GDF3: variants seen among roughly 807,000 people sequenced by gnomAD.
GDF3 encodes growth/differentiation factor 3.
Under a neutral mutation model 10.2 loss-of-function variants are expected in GDF3, and 10 were observed. The observed-to-expected ratio is 0.98, with a 90% confidence interval of 0.60 to 1.66. GDF3 has a LOEUF of 1.66. Among genes scored for constraint, GDF3 ranks in the 40% most tolerant of loss-of-function variants. The pLI is 0.00. For missense variants in GDF3, 450 were observed against 438.3 expected, an observed-to-expected ratio of 1.03 and a Z score of -0.24; for synonymous variants, 166 against 178.5, an observed-to-expected ratio of 0.93 and a Z score of 0.56.
chr12:7,689,801 G>C lies in GDF3; in HGVS notation c.*77C>G, dbSNP rs1019803817. 2.1e-6 allele frequency: 2 copies of C among 960,624 alleles called. No individual in the cohort carries two copies. Among genetic ancestry groups the C allele is most frequent in the Non-Finnish European group, 3.4e-6 (2 of 591,730 alleles). 59.5% of individuals were successfully genotyped at this position (960,624 alleles called of 1,614,324 possible). A position where few individuals can be genotyped will look rare whatever the true frequency, so the allele number is the denominator to read the frequency against. ...CAGGTATATTGACATTTCGATCTAA[G>C]TGGTCATAAACCAGATAGGTAGTTT... is the stretch of plus-strand genomic sequence containing the variant. On this transcript the variant is annotated 3_prime_UTR_variant, in exon 2 of 2. Coordinates refer to ENST00000329913, the MANE Select transcript of GDF3 (RefSeq NM_020634.3).
chr12:7,690,163 GA>G lies in GDF3; in HGVS notation c.809del (p.Phe270SerfsTer32). 6.2e-7 allele frequency: 1 copy of G among 1,614,174 alleles called. No homozygotes were observed. The highest frequency in any genetic ancestry group is 8.5e-7 in the Non-Finnish European group (1 of 1,180,038). The part of the protein sequence containing the change: ...CKNLCHRHQL[F>X]INFRDLGWHK... ...GCCAACCCAGGTCCCGGAAGTTAAT[GA>G]ATAGCTGGTGACGGTGGCAGAGGTT... On this transcript the variant is annotated frameshift_variant, in exon 2 of 2. Transcript: ENST00000329913. LOFTEE classifies it low-confidence loss of function (END_TRUNC).
intron 1 of GDF3, 48 bp downstream of exon 1, chr12:7,695,413 C>A: frequency 6.4e-7 from 1 of 1,563,858 alleles, no homozygotes; most frequent in South Asian, 1.1e-5. Context: ...CCTTTCTTCA[C>A]ACCACCCAGT....
At chr12:7,693,612 C>T (rs1864154109) in intron 1 of GDF3, among the ~76,000 whole-genome samples, 1 of 151,556 alleles carries the variant, frequency 6.6e-6, no homozygotes, top group South Asian at 2.1e-4. Flanking sequence ...TCTTAAGCAC[C>T]CCACCACCAC....
At chr12:7,692,890 A>C (rs1864147576) in intron 1 of GDF3, among the ~76,000 whole-genome samples, 1 of 151,672 alleles carries the variant, frequency 6.6e-6, no homozygotes, top group South Asian at 2.1e-4. Context: ...GGATCCTCCC[A>C]CGTCTCAAAG....
chr12:7,692,510 T>A (rs1320044004), intron 1 of GDF3, among the ~76,000 whole-genome samples: 2 of 115,194 alleles, frequency 1.7e-5, no homozygotes, highest in African/African-American at 6.2e-5. Context: ...TTGGCTTTAA[T>A]TTTTTTTTTT....
Position 7,695,481 on chromosome 12 carries a change from A to G in GDF3, c.248T>C (p.Leu83Pro). Residue 83 changes from leucine to proline, a missense_variant, in exon 1 of 2, where the codon CTT (leucine) becomes CCT (proline). Coordinates refer to ENST00000329913, the MANE Select transcript of GDF3 (RefSeq NM_020634.3). ...CTTACCTTGGTCTGGGAGAAAGCGA[A>G]GTACATTCCCGCGGACGCCCAGCTC... Reference protein sequence around the residue: ...VKELGVRGNVLRFLPDQGFFL... With the variant: ...VKELGVRGNVPRFLPDQGFFL... 1.9e-6 allele frequency: 3 copies of G among 1,614,094 alleles called. No homozygotes were observed. Among genetic ancestry groups the G allele is most frequent in the Non-Finnish European group, 2.5e-6 (3 of 1,179,984 alleles).
chr12:7,694,687 T>C (rs1272732101), intron 1 of GDF3, among the ~76,000 whole-genome samples: 1 of 152,012 alleles, frequency 6.6e-6, no homozygotes, highest in African/African-American at 2.4e-5. Context: ...TATTCAAATC[T>C]TCTCTCCAGT....
rs770103702 is a variant in GDF3, at chr12:7,689,853, T to G, written c.*25A>C. On this transcript the variant is annotated 3_prime_UTR_variant, in exon 2 of 2. Coordinates refer to ENST00000329913, the MANE Select transcript of GDF3 (RefSeq NM_020634.3). ...ATTAAAAGATTTACCCTAAGAACAC[T>G]CCTTCTATTCCCATTTCTGACATCC... The G allele has an allele frequency of 1.7e-5, 25 of 1,431,110 alleles. No individual in the cohort carries two copies. The Admixed American group carries it at 4.2e-4, about 24-fold the overall frequency. 88.7% of individuals were successfully genotyped at this position (1,431,110 alleles called of 1,614,324 possible). A position where few individuals can be genotyped will look rare whatever the true frequency, so the allele number is the denominator to read the frequency against.
In GDF3 at chr12:7,690,340, G is replaced by C; in HGVS notation, c.633C>G (p.Asp211Glu). ...CTTCAGGCTGAAAATTCACCCCTGAGTCTCTATCTTCTTTGACCAGTATCT... is the reference window on the plus strand; with the variant it reads ...CTTCAGGCTGAAAATTCACCCCTGACTCTCTATCTTCTTTGACCAGTATCT... ...FLEILVKEDR[D>E]SGVNFQPEDT... The change falls in exon 2 of 2, where the codon GAC (aspartate) becomes GAG (glutamate). Residue 211 changes from aspartate (D) to glutamate (E), a missense_variant. By Grantham distance (45) the Asp-to-Glu change is conservative. Coordinates refer to ENST00000329913, the MANE Select transcript of GDF3 (RefSeq NM_020634.3). 2 of 1,614,026 alleles carry C rather than the reference G, an allele frequency of 1.2e-6. No individual in the cohort carries two copies. The highest frequency in any genetic ancestry group is 1.7e-6 in the Non-Finnish European group (2 of 1,179,926).
At chr12:7,694,987 C>A (rs1864166909) in intron 1 of GDF3, among the ~76,000 whole-genome samples, 1 of 152,006 alleles carries the variant, frequency 6.6e-6, no homozygotes, top group South Asian at 2.1e-4. Flanking sequence ...CCTTTGCCAC[C>A]CAACAAGAGT....
Position 7,695,621 on chromosome 12 carries a change from A to G in GDF3, c.108T>C (p.Asp36=). 3 of 1,614,178 alleles carry G rather than the reference A, an allele frequency of 1.9e-6. No homozygotes were observed. The highest frequency in any genetic ancestry group is 4.5e-5 in the East Asian group (2 of 44,894). Reference sequence around the variant, plus strand: ...GGAACTTCTGGGGTGAAGGCGCCTTATCTAAGCCCAGAAATTGGAGAAAGA... The same window carrying G: ...GGAACTTCTGGGGTGAAGGCGCCTTGTCTAAGCCCAGAAATTGGAGAAAGA... ...EYVFLQFLGL[D]KAPSPQKFQP... Residue 36 remains aspartate, a synonymous_variant, in exon 1 of 2, where the codon GAT becomes GAC. Coordinates refer to ENST00000329913, the MANE Select transcript of GDF3 (RefSeq NM_020634.3).
intron 1 of GDF3, among the ~76,000 whole-genome samples, chr12:7,692,169 C>T (rs1189891563): frequency 2.0e-5 from 3 of 152,002 alleles, no homozygotes; most frequent in East Asian, 1.9e-4. Flanking sequence ...CATGGTGGCT[C>T]ACACCAGTGA....
Position 7,689,907 on chromosome 12 carries a change from T to C in GDF3, c.1066A>G (p.Met356Val), listed in dbSNP as rs1382693842. The C allele has an allele frequency of 5.0e-6, 8 of 1,612,576 alleles. No homozygotes were observed. Among genetic ancestry groups the C allele is most frequent in the Admixed American group, 1.7e-5 (1 of 59,988 alleles). ...CCACACCCACATTCATCGACTACCATGTCTTCATAATGTCGTAGAATGACA... is the reference window on the plus strand; with the variant it reads ...CCACACCCACATTCATCGACTACCACGTCTTCATAATGTCGTAGAATGACA... Reference protein sequence around the residue: ...DNVILRHYEDMVVDECGCG With the variant: ...DNVILRHYEDVVVDECGCG The change falls in exon 2 of 2, where the codon ATG (methionine) becomes GTG (valine). Residue 356 changes from methionine (M) to valine (V), a missense_variant. Transcript: ENST00000329913.
rs201794479 is a variant in GDF3, at chr12:7,695,752, C to T, written c.-24G>A. 8.1e-6 allele frequency: 13 copies of T among 1,613,398 alleles called. No homozygotes were observed. In the Admixed American group the frequency reaches 8.3e-5, roughly 10 times the overall value. On this transcript the variant is annotated 5_prime_UTR_variant, in exon 1 of 2. Transcript: ENST00000329913. ...ATGGCCTCTGGAGTGGCTGTCAGAC[C>T]GGGGAGAGCTCCACTGCCAGACTGC...
intron 1 of GDF3, among the ~76,000 whole-genome samples, chr12:7,693,776 T>TA (rs1293274336): frequency 2.0e-5 from 3 of 151,306 alleles, no homozygotes; most frequent in Non-Finnish European, 2.9e-5. Context: ...CTCATCTCTA[T>TA]AAAAAAGTAC....
At position 7,692,283 on chromosome 12, in the gene GDF3, A is replaced by G. The variant is rs145227692; in HGVS notation, c.269-1579T>C. On this transcript the variant is annotated intron_variant, in intron 1 of 1. Coordinates refer to ENST00000329913, the MANE Select transcript of GDF3 (RefSeq NM_020634.3). ...TCTCTGCTAAAAATACAAAAAAATT[A>G]GCCGGGCAGGGTGGCACATGCCTGT... Among the ~76,000 whole-genome samples the G allele has an allele frequency of 9.4e-3, 1,421 of 151,842 alleles. 29 individuals are homozygous for G. The highest frequency in any genetic ancestry group is 0.033 in the African/African-American group (1,355 of 41,444).
rs1049872479 is a variant in GDF3 at position 7,690,273 on chromosome 12, G to A, written c.700C>T (p.Leu234=). The A allele has an allele frequency of 6.2e-7, 1 of 1,614,014 alleles. No individual in the cohort carries two copies. Among genetic ancestry groups the A allele is most frequent in the Non-Finnish European group, 8.5e-7 (1 of 1,180,036 alleles). Reference sequence around the variant, plus strand: ...TGATCAGGGTTGAGAGTCACCACCAGCAGGGAAGCATGAAGGGAGCATCTT... The same window carrying A: ...TGATCAGGGTTGAGAGTCACCACCAACAGGGAAGCATGAAGGGAGCATCTT... The part of the protein sequence containing the change: ...RLRCSLHASL[L]VVTLNPDQCH... Residue 234 remains leucine, a synonymous_variant, in exon 2 of 2, where the codon CTG becomes TTG. Transcript: ENST00000329913.
rs1864176961 is a variant in GDF3, at chr12:7,695,698, T to G, written c.31A>C (p.Ser11Arg). The G allele has an allele frequency of 1.2e-6, 2 of 1,614,164 alleles. No individual in the cohort carries two copies. The highest frequency in any genetic ancestry group is 1.7e-6 in the Non-Finnish European group (2 of 1,180,044). The part of the protein sequence containing the change: MLRFLPDLAF[S>R]FLLILALGQA... Reference sequence around the variant, plus strand: ...CCCAAAGCCAGAATTAACAGGAAGCTGAAAGCCAAATCTGGCAAGAAACGA... The same window carrying G: ...CCCAAAGCCAGAATTAACAGGAAGCGGAAAGCCAAATCTGGCAAGAAACGA... The change falls in exon 1 of 2, where the codon AGC (serine) becomes CGC (arginine). Residue 11 changes from serine (S) to arginine (R), a missense_variant. Ser to Arg is a moderately radical substitution (Grantham distance 110). Transcript: ENST00000329913.
rs1257694470 is a variant in GDF3, at chr12:7,690,240, G to A, written c.733C>T (p.Pro245Ser). The change falls in exon 2 of 2, where the codon CCT becomes TCT. Residue 245 changes from proline to serine, a missense_variant. Coordinates refer to ENST00000329913, the MANE Select transcript of GDF3 (RefSeq NM_020634.3). ...VVTLNPDQCH[P>S]SRKRRAAIPV... ...ATGGCTGCTCTCCTTTTCCGAGAAG[G>A]GTGGCACTGATCAGGGTTGAGAGTC... 6.2e-7 allele frequency: 1 copy of A among 1,614,088 alleles called. No homozygotes were observed. Among genetic ancestry groups the A allele is most frequent in the Non-Finnish European group, 8.5e-7 (1 of 1,180,010 alleles).
Sources: allele counts gnomAD v4.1 joint callset (sites outside exome capture counted in the v4.1 genomes callset), GRCh38; gene constraint gnomAD v4.1.1; transcripts MANE v1.5; gene names NCBI Gene and HGNC (gene_info 2026-07-23, HGNC 2026-07-21).